PLEKHA5: variants seen among roughly 807,000 people sequenced by gnomAD.
PLEKHA5 encodes pleckstrin homology domain-containing family A member 5.
Under a neutral mutation model 181.9 loss-of-function variants are expected in PLEKHA5, and 55 were observed. That is an observed-to-expected ratio of 0.30 (90% CI 0.24 to 0.38). PLEKHA5 has a LOEUF of 0.38. PLEKHA5 is among the 10% of genes least tolerant of loss of function. The pLI is 1.00. For synonymous variants in PLEKHA5, 535 were observed against 529.4 expected, an observed-to-expected ratio of 1.01 and a Z score of -0.15; for missense variants, 1,432 against 1,549.5, an observed-to-expected ratio of 0.92 and a Z score of 1.27.
In PLEKHA5 at chr12:19,157,311, G is replaced by T. The variant is rs946642495; in HGVS notation, c.227+24861G>T. On this transcript the variant is annotated intron_variant, in intron 3 of 31. Coordinates refer to ENST00000429027, the MANE Select transcript of PLEKHA5 (RefSeq NM_001256470.2). ...GTCAGATAATCTGCCAGGCACTGGG[G>T]ATACGAAGAGGAAATAAGCAGTCTA... is the stretch of plus-strand genomic sequence containing the variant. Among the ~76,000 whole-genome samples the T allele has an allele frequency of 4.6e-5, 7 of 152,144 alleles. No individual in the cohort carries two copies. In the East Asian group the frequency reaches 1.3e-3, roughly 29 times the overall value.
intron 3 of PLEKHA5, among the ~76,000 whole-genome samples, chr12:19,219,336 A>C (rs909101862): frequency 2.6e-5 from 4 of 152,178 alleles, no homozygotes; most frequent in African/African-American, 9.6e-5. Flanking sequence ...GGATGGAATC[A>C]AACATTTTAG....
chr12:19,286,242 G>C (rs1471470267), intron 12 of PLEKHA5, among the ~76,000 whole-genome samples: 1 of 152,100 alleles, frequency 6.6e-6, no homozygotes, highest in East Asian at 1.9e-4. Flanking sequence ...TTTTCCAGAT[G>C]ACCAGTGTTT....
rs2074083304 is a variant in PLEKHA5, at chr12:19,274,983, G to T, written c.1313G>T (p.Gly438Val). The stretch of plus-strand genomic sequence containing the variant: ...AGGGGTCATGAAGAAGAAACCAGGG[G>T]GTAAGTGTCTGTCTTGTCATTATGA... The part of the protein sequence containing the change: ...KGRGHEEETR[G>V]VISYQTLPRN... The change falls in exon 11 of 32, where the codon GGA (glycine) becomes GTA (valine). Residue 438 changes from glycine to valine, a missense_variant and splice_region_variant. Physicochemically the swap from Gly to Val is moderately radical, Grantham distance 109. Coordinates refer to ENST00000429027, the MANE Select transcript of PLEKHA5 (RefSeq NM_001256470.2). 8.8e-6 allele frequency: 14 copies of T among 1,593,630 alleles called. No homozygotes were observed. The East Asian group carries it at 2.9e-4, about 33-fold the overall frequency.
chr12:19,167,506 C>T lies in PLEKHA5; in HGVS notation c.227+35056C>T, dbSNP rs949950656. Among the ~76,000 whole-genome samples, 3 of 140,640 alleles carry T rather than the reference C, an allele frequency of 2.1e-5. No homozygotes were observed. The East Asian group carries it at 6.4e-4, about 30-fold the overall frequency. The allele number at this position is 140,640 out of a possible 152,430, so 92.3% of individuals were successfully genotyped here. A position where few individuals can be genotyped will look rare whatever the true frequency, so the allele number is the denominator to read the frequency against. On this transcript the variant is annotated intron_variant, in intron 3 of 31. Transcript: ENST00000429027. The stretch of plus-strand genomic sequence containing the variant: ...GCGTGATTCTTAGTTATGCTGACAG[C>T]TTTCAGGTTTTGAAATCCTGTCTCT...
At chr12:19,201,331 A>G (rs1014370082) in intron 3 of PLEKHA5, 1 of 152,110 alleles carries the variant, frequency 6.6e-6, no homozygotes, top group Admixed American at 6.6e-5. Flanking sequence ...ATCAAAGACG[A>G]TCAGTATCAA....
At chr12:19,233,533 A>G (rs765681872) in intron 3 of PLEKHA5, among the ~76,000 whole-genome samples, 12 of 152,150 alleles carry the variant, frequency 7.9e-5, no homozygotes, top group Non-Finnish European at 1.6e-4. Context: ...AGAACACCTC[A>G]ATGCTGGATT....
chr12:19,207,459 C>G (rs1017202091), intron 3 of PLEKHA5: 9 of 152,074 alleles, frequency 5.9e-5, no homozygotes, highest in Non-Finnish European at 1.3e-4. Flanking sequence ...TTATTGATTT[C>G]CAAATCATTA....
At position 19,274,532 on chromosome 12, in the gene PLEKHA5, T is replaced by C. The variant is rs2074004715; in HGVS notation, c.862T>C (p.Ser288Pro). ...TGATTTCAGAGTGGACAAGATTACA[T>C]CTGAAAATGCACCAACTAAAGAAAC... ...TFNFRVDKITSENAPTKETNN... is the reference protein window; with the variant it reads ...TFNFRVDKITPENAPTKETNN... Residue 288 changes from serine to proline, a missense_variant, in exon 11 of 32, where the codon TCT (serine) becomes CCT (proline). Transcript: ENST00000429027. The C allele has an allele frequency of 6.2e-7, 1 of 1,601,632 alleles. No individual in the cohort carries two copies. The highest frequency in any genetic ancestry group is 8.5e-7 in the Non-Finnish European group (1 of 1,172,200).
intron 3 of PLEKHA5, among the ~76,000 whole-genome samples, chr12:19,135,881 G>GTTTT (rs71064059): frequency 1.6e-5 from 2 of 129,004 alleles, no homozygotes; most frequent in Non-Finnish European, 1.7e-5. Context: ...ATCTTACTTT[G>GTTTT]TTTTTTTTTT....
chr12:19,198,898 A>G (rs796926455), intron 3 of PLEKHA5, among the ~76,000 whole-genome samples: 37 of 152,266 alleles, frequency 2.4e-4, no homozygotes, highest in African/African-American at 8.9e-4. Context: ...CTATAAGACC[A>G]TTACTCAGCA....
intron 22 of PLEKHA5, among the ~76,000 whole-genome samples, chr12:19,344,051 A>G (rs1286431234): frequency 1.2e-5 from 1 of 83,078 alleles, no homozygotes; most frequent in Non-Finnish European, 2.1e-5. Context: ...AACTGTCCCA[A>G]AAAAAAAAAA....
At position 19,307,537 on chromosome 12, in the gene PLEKHA5, T is replaced by C. The variant is rs549956895; in HGVS notation, c.2038-7277T>C. On this transcript the variant is annotated intron_variant, in intron 15 of 31. Transcript: ENST00000429027. ...GCACACTGCCTAATTTCGGCTGCTA[T>C]AGAACCAGAGAAAGAAAAAAGAAGG... 8 of 319,662 alleles carry C rather than the reference T, an allele frequency of 2.5e-5. No homozygotes were observed. The East Asian group carries it at 3.6e-4, about 14-fold the overall frequency. 19.8% of individuals were successfully genotyped at this position (319,662 alleles called of 1,614,324 possible). A position where few individuals can be genotyped will look rare whatever the true frequency, so the allele number is the denominator to read the frequency against.
chr12:19,306,916 G>A (rs1057503368), intron 15 of PLEKHA5: 4 of 843,960 alleles, frequency 4.7e-6, no homozygotes, highest in Admixed American at 3.7e-5. Flanking sequence ...ACCAGCTAAT[G>A]CAATGGCAGG....
At chr12:19,264,548 T>C (rs960006655) in intron 7 of PLEKHA5, among the ~76,000 whole-genome samples, 1 of 152,224 alleles carries the variant, frequency 6.6e-6, no homozygotes, top group Non-Finnish European at 1.5e-5. Flanking sequence ...GCTTTCCAAC[T>C]CTTTTTAACC....
intron 20 of PLEKHA5, among the ~76,000 whole-genome samples, chr12:19,331,661 C>G (rs1242107867): frequency 2.0e-5 from 3 of 152,258 alleles, no homozygotes; most frequent in East Asian, 3.9e-4. Context: ...TGTCTCAGTA[C>G]AGACTACATA....
intron 3 of PLEKHA5, among the ~76,000 whole-genome samples, chr12:19,134,993 C>T (rs1244561597): frequency 1.3e-5 from 2 of 151,924 alleles, no homozygotes; most frequent in South Asian, 2.1e-4. Flanking sequence ...ACAGGGTTAT[C>T]GGGGTGGATT....
At chr12:19,174,519 A>G (rs988275047) in intron 3 of PLEKHA5, among the ~76,000 whole-genome samples, 10 of 152,130 alleles carry the variant, frequency 6.6e-5, no homozygotes, top group African/African-American at 2.4e-4. Flanking sequence ...TTTGTCCTAT[A>G]GGTGTTTCAT....
In PLEKHA5 at chr12:19,197,129, A is replaced by T. The variant is rs190949363; in HGVS notation, c.228-56811A>T. Among the ~76,000 whole-genome samples the T allele has an allele frequency of 2.2e-4, 33 of 151,996 alleles. No individual in the cohort carries two copies. In the East Asian group the frequency reaches 6.4e-3, roughly 30 times the overall value. On this transcript the variant is annotated intron_variant, in intron 3 of 31. Transcript: ENST00000429027. ...CTAGGGACCTCTCTGTTCAGATCTTACTTCACTTCCTGGCAGCGTTCAGCA... is the reference window on the plus strand; with the variant it reads ...CTAGGGACCTCTCTGTTCAGATCTTTCTTCACTTCCTGGCAGCGTTCAGCA...
intron 25 of PLEKHA5, among the ~76,000 whole-genome samples, chr12:19,349,341 C>G (rs1231238565): frequency 6.6e-6 from 1 of 152,074 alleles, no homozygotes; most frequent in East Asian, 1.9e-4. Context: ...GTCTTGAACT[C>G]TGGGGATCAA....
Sources: allele counts gnomAD v4.1 joint callset (sites outside exome capture counted in the v4.1 genomes callset), GRCh38; gene constraint gnomAD v4.1.1; transcripts MANE v1.5; gene names NCBI Gene and HGNC (gene_info 2026-07-23, HGNC 2026-07-21).